Variants in CFAP298 observed in about 807,000 individuals in gnomAD.
CFAP298 encodes the protein cilia- and flagella-associated protein 298.
Under a neutral mutation model 41.0 loss-of-function variants are expected in CFAP298, and 38 were observed. The observed-to-expected ratio is 0.93, with a 90% CI of 0.72 to 1.22. The LOEUF (loss-of-function observed/expected upper bound fraction) is 1.22, where lower values mean the gene tolerates loss of function less well. Among genes scored for constraint, CFAP298 ranks in the 50% most tolerant of loss-of-function variants. The pLI is 0.00. For missense variants in CFAP298, 348 were observed against 360.3 expected (o/e 0.97, Z 0.28); for synonymous variants, 137 against 135.3 (o/e 1.01, Z -0.09).
Position 32,607,734 on chromosome 21 carries a change from A to G in CFAP298, c.308-18T>C. 6.7e-7 allele frequency: 1 copy of G among 1,496,824 alleles called. No homozygotes were observed. The highest frequency in any genetic ancestry group is 9.2e-7 in the Non-Finnish European group (1 of 1,083,250). 92.7% of individuals were successfully genotyped at this position (1,496,824 alleles called of 1,614,324 possible). A position where few individuals can be genotyped will look rare whatever the true frequency, so the allele number is the denominator to read the frequency against. The stretch of plus-strand genomic sequence containing the variant: ...ATTTGGAGCTATAAAAATAAAAAGG[A>G]GAGAGGGAGAAAGAGCTGTCAAATA... On this transcript the variant is annotated intron_variant, in intron 2 of 6. Transcript: ENST00000290155.
intron 3 of CFAP298, among the ~76,000 whole-genome samples, chr21:32,604,819 A>G (rs544780750): frequency 3.3e-5 from 5 of 152,338 alleles, no homozygotes; most frequent in Non-Finnish European, 7.4e-5. Context: ...GGCCACGGGA[A>G]GCGACTGCCT....
chr21:32,605,607 G>C (rs2038850675), intron 3 of CFAP298, among the ~76,000 whole-genome samples: 1 of 152,212 alleles, frequency 6.6e-6, no homozygotes, highest in African/African-American at 2.4e-5. Flanking sequence ...GAAGCTTCCT[G>C]ATTGGTGAAG....
intron 1 of CFAP298, 125 bp downstream of exon 1, chr21:32,611,980 C>G: frequency 8.4e-7 from 1 of 1,189,774 alleles, no homozygotes; most frequent in Non-Finnish European, 1.1e-6. Context: ...CCGTTTCAAC[C>G]CCGGCTGCTG....
intron 5 of CFAP298, chr21:32,602,654 A>G: frequency 7.9e-7 from 1 of 1,270,028 alleles, no homozygotes; most frequent in East Asian, 3.8e-5. Flanking sequence ...GAGGATGCTC[A>G]GAGCCACGGA....
At chr21:32,604,886 A>G (rs1455937809) in intron 3 of CFAP298, among the ~76,000 whole-genome samples, 1 of 152,198 alleles carries the variant, frequency 6.6e-6, no homozygotes, top group East Asian at 1.9e-4. Flanking sequence ...TATAGAACAG[A>G]CCTAGTTGGC....
In CFAP298 at chr21:32,612,113, A is replaced by G. The variant is rs1404841720; in HGVS notation, c.131T>C (p.Leu44Pro). Reference sequence around the variant, plus strand: ...CCACCCGCGAGCCGCACCTGAGCAGAGGCGCTGCACCTTGAGCCGCCCATT... The same window carrying G: ...CCACCCGCGAGCCGCACCTGAGCAGGGGCGCTGCACCTTGAGCCGCCCATT... ...VYNGRLKVQR[L>P]CSEMEELAEH... Residue 44 changes from leucine (L) to proline (P), a missense_variant, in exon 1 of 7, where the codon CTC (leucine) becomes CCC (proline). Transcript: ENST00000290155. 2 of 1,554,262 alleles carry G rather than the reference A, an allele frequency of 1.3e-6. No individual in the cohort carries two copies. The highest frequency in any genetic ancestry group is 3.9e-5 in the Admixed American group (2 of 51,282).
chr21:32,603,197 C>A lies in CFAP298; in HGVS notation c.630G>T (p.Lys210Asn). 6.2e-7 allele frequency: 1 copy of A among 1,614,180 alleles called. No homozygotes were observed. The highest frequency in any genetic ancestry group is 8.5e-7 in the Non-Finnish European group (1 of 1,180,014). ...RTKKLSDYVG[K>N]NEKTKIIAKI... ...TGGCGATAATTTTGGTTTTTTCATT[C>A]TTCCCCACGTAGTCTGAAAGCTTCT... Residue 210 changes from lysine (K) to asparagine (N), a missense_variant, in exon 5 of 7, where the codon AAG becomes AAT. Transcript: ENST00000290155.
Position 32,607,654 on chromosome 21 carries a change from A to G in CFAP298, c.370T>C (p.Ser124Pro). Residue 124 changes from serine to proline, a missense_variant, in exon 3 of 7, where the codon TCT becomes CCT. Coordinates refer to ENST00000290155, the MANE Select transcript of CFAP298 (RefSeq NM_021254.4). ...CATCATTTAAAAAAGCCAACCTTAG[A>G]TATTATTGCTTTGGCTTCTTCTATA... ...KTIEEAKAII[S>P]KKQVEAGVCV... is the part of the protein sequence containing the mutation. The G allele has an allele frequency of 8.3e-6, 13 of 1,566,766 alleles. No individual in the cohort carries two copies. Among genetic ancestry groups the G allele is most frequent in the Non-Finnish European group, 1.1e-5 (13 of 1,146,996 alleles).
rs2038713448 is a variant in CFAP298 at position 32,600,249 on chromosome 21, C to T, written c.*1614G>A. 2.0e-5 allele frequency among the ~76,000 whole-genome samples: 3 copies of T among 152,232 alleles called. No homozygotes were observed. Among genetic ancestry groups the T allele is most frequent in the Non-Finnish European group, 2.9e-5 (2 of 68,046 alleles). On this transcript the variant is annotated 3_prime_UTR_variant, in exon 7 of 7. Coordinates refer to ENST00000290155, the MANE Select transcript of CFAP298 (RefSeq NM_021254.4). Reference sequence around the variant, plus strand: ...AAAAGAGAAAATAGATGCAAATTTGCTTTTACAAAATTTGAAAATCAACCA... The same window carrying T: ...AAAAGAGAAAATAGATGCAAATTTGTTTTTACAAAATTTGAAAATCAACCA...
chr21:32,609,329 G>A (rs1200131504), intron 2 of CFAP298, among the ~76,000 whole-genome samples: 1 of 152,114 alleles, frequency 6.6e-6, no homozygotes, highest in South Asian at 2.1e-4. Context: ...CTGGTTCGTC[G>A]AATACATATA....
intron 2 of CFAP298, 139 bp downstream of exon 2, chr21:32,609,699 A>C: frequency 1.5e-6 from 1 of 681,926 alleles, no homozygotes; most frequent in South Asian, 2.2e-5. Flanking sequence ...TGGAAGACAG[A>C]GGTGGCAGTG....
rs2833926 is a variant in CFAP298, at chr21:32,602,969, T to C, written c.666+192A>G. 182,183 of 1,016,642 alleles carry C rather than the reference T, an allele frequency of 0.18. 17,971 individuals are homozygous for C. Among genetic ancestry groups the C allele is most frequent in the East Asian group, 0.33 (12,491 of 38,342 alleles). 63.0% of individuals were successfully genotyped at this position (1,016,642 alleles called of 1,614,324 possible). ...CACATATTAAAACAAACTCTAGATA[T>C]TGGTACTCAATCCATATTTTCTTCC... is the stretch of plus-strand genomic sequence containing the variant. On this transcript the variant is annotated intron_variant, in intron 5 of 6. Coordinates refer to ENST00000290155, the MANE Select transcript of CFAP298 (RefSeq NM_021254.4).
chr21:32,602,009 C>T, intron 6 of CFAP298, 36 bp from the exon 7 acceptor site: 1 of 1,331,300 alleles, frequency 7.5e-7, no homozygotes, highest in Non-Finnish European at 1.1e-6. Context: ...GCAGGCATTT[C>T]AGGAAAGTGT....
At position 32,600,524 on chromosome 21, in the gene CFAP298, C is replaced by T. The variant is rs572552828; in HGVS notation, c.*1339G>A. Among the ~76,000 whole-genome samples, 2 of 152,328 alleles carry T rather than the reference C, an allele frequency of 1.3e-5. No individual in the cohort carries two copies. Among genetic ancestry groups the T allele is most frequent in the Admixed American group, 6.5e-5 (1 of 15,296 alleles). ...TCCCTCAGTGTGAGCACACCAAGTT[C>T]CCTCTAACCAGGAGAACAGGACCCT... On this transcript the variant is annotated 3_prime_UTR_variant, in exon 7 of 7. Transcript: ENST00000290155.
At position 32,601,551 on chromosome 21, in the gene CFAP298, C is replaced by A. The variant is rs1028468433; in HGVS notation, c.*312G>T. On this transcript the variant is annotated 3_prime_UTR_variant, in exon 7 of 7. Coordinates refer to ENST00000290155, the MANE Select transcript of CFAP298 (RefSeq NM_021254.4). ...TGACCTCGTGATCTGCCTGCCTCGG[C>A]CTCCCAAAGTGCTGGGATTACAGGC... The A allele has an allele frequency of 1.5e-5, 3 of 196,732 alleles. No homozygotes were observed. The South Asian group carries it at 2.7e-4, about 18-fold the overall frequency. 12.2% of individuals were successfully genotyped at this position (196,732 alleles called of 1,614,324 possible). A position where few individuals can be genotyped will look rare whatever the true frequency, so the allele number is the denominator to read the frequency against.
In CFAP298 at chr21:32,603,194, A is replaced by G; in HGVS notation, c.633T>C (p.Asn211=). The G allele has an allele frequency of 6.2e-7, 1 of 1,614,224 alleles. No homozygotes were observed. The highest frequency in any genetic ancestry group is 8.5e-7 in the Non-Finnish European group (1 of 1,180,036). Reference sequence around the variant, plus strand: ...TCTTGGCGATAATTTTGGTTTTTTCATTCTTCCCCACGTAGTCTGAAAGCT... The same window carrying G: ...TCTTGGCGATAATTTTGGTTTTTTCGTTCTTCCCCACGTAGTCTGAAAGCT... ...TKKLSDYVGK[N]EKTKIIAKIQ... The change falls in exon 5 of 7, where the codon AAT becomes AAC. Residue 211 remains asparagine, a synonymous_variant. Transcript: ENST00000290155.
intron 3 of CFAP298, among the ~76,000 whole-genome samples, chr21:32,605,403 G>C (rs954642022): frequency 6.6e-6 from 1 of 152,148 alleles, no homozygotes; most frequent in East Asian, 1.9e-4. Context: ...CCTGTAGTCC[G>C]CGCTGGGTTT....
Position 32,599,750 on chromosome 21 carries a change from G to A in CFAP298, c.*2113C>T, listed in dbSNP as rs181486226. Among the ~76,000 whole-genome samples, 339 of 152,254 alleles carry A rather than the reference G, an allele frequency of 2.2e-3. No individual in the cohort carries two copies. Among genetic ancestry groups the A allele is most frequent in the African/African-American group, 7.1e-3 (294 of 41,534 alleles). ...CCACAGCGGGCACCACCTGCCCCCC[G>A]CCGTCACAGATGGCTTGCAAATAAG... On this transcript the variant is annotated 3_prime_UTR_variant, in exon 7 of 7. Coordinates refer to ENST00000290155, the MANE Select transcript of CFAP298 (RefSeq NM_021254.4).
intron 1 of CFAP298, among the ~76,000 whole-genome samples, chr21:32,611,063 G>T (rs2038979734): frequency 6.6e-6 from 1 of 151,688 alleles, no homozygotes; most frequent in African/African-American, 2.4e-5. Flanking sequence ...TAGCACTTTG[G>T]GAGGCGGAGG....
Sources: gnomAD v4.1 joint callset for allele counts (sites outside exome capture counted in the v4.1 genomes callset) on GRCh38, gnomAD v4.1.1 for gene constraint, MANE v1.5 for transcripts, NCBI Gene and HGNC (gene_info 2026-07-23, HGNC 2026-07-21) for gene names.